PSPC1: variants seen among roughly 807,000 people sequenced by gnomAD.
The protein encoded by PSPC1 is paraspeckle component 1.
A neutral mutation model predicts 51.6 loss-of-function variants in PSPC1; 14 were observed. The ratio of observed to expected loss-of-function variants is 0.27; its 90% CI spans 0.18 to 0.42. PSPC1 has a LOEUF of 0.42. PSPC1 is among the 10% of genes least tolerant of loss of function. PSPC1 has a pLI of 1.00. For missense variants in PSPC1, 406 were observed against 701.1 expected, an observed-to-expected ratio of 0.58 and a Z score of 4.75; for synonymous variants, 193 against 231.9, an observed-to-expected ratio of 0.83 and a Z score of 1.53.
chr13:19,765,241 T>C (rs1397728225), intron 2 of PSPC1, among the ~76,000 whole-genome samples: 1 of 151,260 alleles, frequency 6.6e-6, no homozygotes, highest in African/African-American at 2.4e-5. Context: ...CAGGAATCAC[T>C]TGAACCCAGA....
chr13:19,747,361 T>C (rs1474777272), intron 4 of PSPC1, among the ~76,000 whole-genome samples: 1 of 152,142 alleles, frequency 6.6e-6, no homozygotes, highest in African/African-American at 2.4e-5. Flanking sequence ...AGACAGAGTC[T>C]CGTTCTGTCA....
intron 6 of PSPC1, among the ~76,000 whole-genome samples, chr13:19,729,549 A>T (rs926690483): frequency 6.6e-6 from 1 of 151,910 alleles, no homozygotes; most frequent in African/African-American, 2.4e-5. Context: ...AAAAAAAAAA[A>T]AGGTTACTAA....
intron 3 of PSPC1, among the ~76,000 whole-genome samples, chr13:19,753,283 C>CA (rs1184204944): frequency 0.4 from 25,542 of 63,994 alleles, 4,699 homozygotes; most frequent in African/African-American, 0.55. Flanking sequence ...GACTCCATCT[C>CA]AAAAAAAAAA....
At chr13:19,727,613 C>T (rs768734931) in intron 6 of PSPC1, among the ~76,000 whole-genome samples, 1 of 152,174 alleles carries the variant, frequency 6.6e-6, no homozygotes, top group Non-Finnish European at 1.5e-5. Context: ...AATGCTAGAA[C>T]TAAAATCTGT....
intron 6 of PSPC1, among the ~76,000 whole-genome samples, chr13:19,716,402 C>A (rs937382002): frequency 2.1e-4 from 32 of 152,196 alleles, no homozygotes; most frequent in Non-Finnish European, 1.2e-4. Context: ...AACTGGAACA[C>A]CATTTAATGA....
At chr13:19,748,429 T>C (rs1886206998) in intron 4 of PSPC1, among the ~76,000 whole-genome samples, 2 of 152,086 alleles carry the variant, frequency 1.3e-5, no homozygotes, top group South Asian at 4.1e-4. Flanking sequence ...TAAGATATTG[T>C]TAACAGAGGC....
At chr13:19,725,555 C>T (rs1469403526) in intron 6 of PSPC1, among the ~76,000 whole-genome samples, 1 of 152,046 alleles carries the variant, frequency 6.6e-6, no homozygotes, top group East Asian at 1.9e-4. Context: ...TCAATACAGT[C>T]TCACATAGTT....
intron 6 of PSPC1, among the ~76,000 whole-genome samples, chr13:19,726,949 A>C (rs1157098812): frequency 6.6e-6 from 1 of 152,240 alleles, no homozygotes; most frequent in African/African-American, 2.4e-5. Flanking sequence ...TGAAACACCT[A>C]GGGCTATTCC....
At chr13:19,722,651 G>A (rs755005961) in intron 6 of PSPC1, among the ~76,000 whole-genome samples, 10 of 151,732 alleles carry the variant, frequency 6.6e-5, no homozygotes, top group Non-Finnish European at 1.5e-4. Context: ...AAAATTAGCT[G>A]GGCATGGTGG....
At chr13:19,777,728 A>C (rs541725580) in intron 1 of PSPC1, among the ~76,000 whole-genome samples, 1 of 152,202 alleles carries the variant, frequency 6.6e-6, no homozygotes, top group South Asian at 2.1e-4. Context: ...CAGGCGGATC[A>C]CAAGGTGAGG....
At chr13:19,777,486 G>A (rs1328493002) in intron 1 of PSPC1, among the ~76,000 whole-genome samples, 4 of 149,366 alleles carry the variant, frequency 2.7e-5, no homozygotes, top group South Asian at 2.1e-4. Context: ...ACCAAATGGC[G>A]AGCTGTCTCT....
intron 5 of PSPC1, among the ~76,000 whole-genome samples, chr13:19,733,215 C>T (rs1410411270): frequency 6.6e-6 from 1 of 152,110 alleles, no homozygotes; most frequent in Non-Finnish European, 1.5e-5. Flanking sequence ...CCTTGGGAGA[C>T]AAGAAACACA....
intron 1 of PSPC1, among the ~76,000 whole-genome samples, chr13:19,774,806 A>G (rs912157589): frequency 4.3e-5 from 6 of 139,622 alleles, no homozygotes; most frequent in East Asian, 2.0e-4. Context: ...CTCTGTGTCC[A>G]AAAAAAAAAA....
chr13:19,692,171 T>C (rs546719116), intron 6 of PSPC1, among the ~76,000 whole-genome samples: 2 of 152,162 alleles, frequency 1.3e-5, no homozygotes, highest in Non-Finnish European at 2.9e-5. Flanking sequence ...TTGCCCAGGC[T>C]GGAGTGCAGT....
intron 6 of PSPC1, among the ~76,000 whole-genome samples, chr13:19,711,546 G>A (rs1417142327): frequency 6.6e-6 from 1 of 150,826 alleles, no homozygotes; most frequent in African/African-American, 2.4e-5. Context: ...GCTGAGGCAG[G>A]AGAATTGCGG....
At chr13:19,677,946 G>T (rs1288296957) in intron 6 of PSPC1, 2 of 393,804 alleles carry the variant, frequency 5.1e-6, no homozygotes, top group East Asian at 7.5e-5. Context: ...ATACCATGTA[G>T]TGCTGCGTGC....
chr13:19,672,174 C>T (rs995661811), downstream of PSPC1: 19 of 291,312 alleles, frequency 6.5e-5, no homozygotes, highest in Non-Finnish European at 9.8e-5. Context: ...GACGGAGTTT[C>T]GCTCTTGTTG....
At chr13:19,762,295 C>T (rs1394189367) in intron 2 of PSPC1, among the ~76,000 whole-genome samples, 4 of 152,174 alleles carry the variant, frequency 2.6e-5, no homozygotes, top group South Asian at 2.1e-4. Flanking sequence ...TGGTGGCTCA[C>T]GCCTGTAACC....
chr13:19,755,461 G>A lies in PSPC1; in HGVS notation c.770+3862C>T, dbSNP rs542196544. Among the ~76,000 whole-genome samples the A allele has an allele frequency of 3.3e-5, 5 of 151,894 alleles. No homozygotes were observed. The South Asian group carries it at 1.0e-3, about 32-fold the overall frequency. Reference sequence around the variant, plus strand: ...CAATTAGCTGAGCATGGTTATGTGCGCCTGTAGTCTCAGCTACTTGGGAGG... The same window carrying A: ...CAATTAGCTGAGCATGGTTATGTGCACCTGTAGTCTCAGCTACTTGGGAGG... On this transcript the variant is annotated intron_variant, in intron 3 of 8. Transcript: ENST00000338910.
Sources: gnomAD v4.1 joint callset for allele counts (sites outside exome capture counted in the v4.1 genomes callset) on GRCh38, gnomAD v4.1.1 for gene constraint, MANE v1.5 for transcripts, NCBI Gene and HGNC (gene_info 2026-07-23, HGNC 2026-07-21) for gene names.